CFAP299: variants seen among roughly 807,000 people sequenced by gnomAD.
The protein encoded by CFAP299 is cilia- and flagella-associated protein 299.
A neutral mutation model predicts 27.0 loss-of-function variants in CFAP299; 21 were observed. The observed-to-expected ratio is 0.78, with a 90% confidence interval of 0.55 to 1.12. The LOEUF is 1.12. Among genes scored for constraint, CFAP299 ranks in the 50% most tolerant of loss-of-function variants. The pLI, the probability that CFAP299 is intolerant of heterozygous loss-of-function variation, is 0.00. For synonymous variants in CFAP299, 104 were observed against 98.1 expected (o/e 1.06, Z -0.36); for missense variants, 310 against 276.6 (o/e 1.12, Z -0.86).
rs1384690248 is a variant in CFAP299, at chr4:80,390,498, TATGTATATATACACAC to T, written c.242+27617_242+27632del. Among the ~76,000 whole-genome samples the T allele has an allele frequency of 1.7e-4, 25 of 145,820 alleles. 1 individual carries two copies. The highest frequency in any genetic ancestry group is 5.9e-4 in the African/African-American group (23 of 38,830). ...TCTCTCCTCTCTCTCTCTCTATATATATGTATATATACACACATATATGTATATATGTATATATGTA... is the reference window on the plus strand; with the variant it reads ...TCTCTCCTCTCTCTCTCTCTATATATATATATGTATATATGTATATATGTA... On this transcript the variant is annotated intron_variant, in intron 2 of 5. Transcript: ENST00000358105.
chr4:80,323,272 C>T, the CFAP299 span, among the ~76,000 whole-genome samples: 7 of 152,250 alleles, frequency 4.6e-5, no homozygotes, highest in South Asian at 1.0e-3. Flanking sequence ...ACCAACATTA[C>T]TTAGAAAAAA....
chr4:80,825,266 G>A (rs1729922530), intron 3 of CFAP299, among the ~76,000 whole-genome samples: 1 of 151,826 alleles, frequency 6.6e-6, no homozygotes, highest in African/African-American at 2.4e-5. Flanking sequence ...CAATGCCTAA[G>A]AGACTGGTGG....
intron 3 of CFAP299, among the ~76,000 whole-genome samples, chr4:80,742,926 A>C (rs2110065419): frequency 6.6e-6 from 1 of 152,332 alleles, no homozygotes; most frequent in Non-Finnish European, 1.5e-5. Flanking sequence ...AATGCAACTC[A>C]CTTCAGCAAT....
At chr4:80,631,867 C>T (rs1384852442) in intron 3 of CFAP299, among the ~76,000 whole-genome samples, 2 of 104,052 alleles carry the variant, frequency 1.9e-5, no homozygotes, top group African/African-American at 6.0e-5. Context: ...GTGCCCCACC[C>T]CCCCCCAACC....
intron 3 of CFAP299, among the ~76,000 whole-genome samples, chr4:80,606,815 A>AT (rs1737702041): frequency 7.0e-6 from 1 of 142,186 alleles, no homozygotes; most frequent in Admixed American, 6.7e-5. Context: ...TACACTCTAA[A>AT]TTATATGCTT....
rs141477294 is a variant in CFAP299, at chr4:80,519,994, A to G, written c.243-63099A>G. Among the ~76,000 whole-genome samples, 35 of 152,288 alleles carry G rather than the reference A, an allele frequency of 2.3e-4. No homozygotes were observed. In the East Asian group the frequency reaches 5.6e-3, roughly 24 times the overall value. On this transcript the variant is annotated intron_variant, in intron 2 of 5. Coordinates refer to ENST00000358105, the MANE Select transcript of CFAP299 (RefSeq NM_152770.3). Reference sequence around the variant, plus strand: ...TGAAGGTCAGGATGGGCTAGGACAAAGAGAGCTATACAAGAGAGGCTTTCT... The same window carrying G: ...TGAAGGTCAGGATGGGCTAGGACAAGGAGAGCTATACAAGAGAGGCTTTCT...
intron 2 of CFAP299, among the ~76,000 whole-genome samples, chr4:80,511,903 G>A (rs1398737107): frequency 6.6e-6 from 1 of 151,998 alleles, no homozygotes; most frequent in African/African-American, 2.4e-5. Flanking sequence ...ACTACACTAG[G>A]AGTAAGATTT....
At chr4:80,652,657 C>T (rs1039942355) in intron 3 of CFAP299, among the ~76,000 whole-genome samples, 1 of 152,006 alleles carries the variant, frequency 6.6e-6, no homozygotes, top group African/African-American at 2.4e-5. Context: ...ATCATATGAA[C>T]CCTCAAGTCC....
intron 3 of CFAP299, among the ~76,000 whole-genome samples, chr4:80,806,970 G>A (rs1728895991): frequency 6.6e-6 from 1 of 152,110 alleles, no homozygotes; most frequent in East Asian, 1.9e-4. Context: ...ATTATATTAA[G>A]TATGCTTTGA....
At chr4:80,816,306 A>G (rs1729419099) in intron 3 of CFAP299, among the ~76,000 whole-genome samples, 1 of 152,142 alleles carries the variant, frequency 6.6e-6, no homozygotes, top group South Asian at 2.1e-4. Context: ...AATAAAATGT[A>G]AAATCTATGT....
chr4:80,784,812 C>T (rs890381810), intron 3 of CFAP299, among the ~76,000 whole-genome samples: 5 of 152,190 alleles, frequency 3.3e-5, no homozygotes, highest in African/African-American at 9.6e-5. Context: ...CATGAGCCAC[C>T]ACTCCTGGTC....
intron 3 of CFAP299, among the ~76,000 whole-genome samples, chr4:80,799,645 T>A (rs1240631761): frequency 2.0e-4 from 4 of 19,728 alleles, no homozygotes; most frequent in Non-Finnish European, 2.3e-4. Flanking sequence ...ATATAAAATA[T>A]ATATTTTATA....
intron 4 of CFAP299, among the ~76,000 whole-genome samples, chr4:80,886,737 T>A (rs1376780020): frequency 6.6e-6 from 1 of 152,070 alleles, no homozygotes; most frequent in Non-Finnish European, 1.5e-5. Context: ...AAATAAGGCA[T>A]CAGGGACCAA....
intron 3 of CFAP299, among the ~76,000 whole-genome samples, chr4:80,847,209 C>T (rs911967461): frequency 6.6e-6 from 1 of 152,200 alleles, no homozygotes. Context: ...CCTGCTCTAC[C>T]CAGGAAGGCT....
chr4:80,697,070 G>T (rs1560705173), intron 3 of CFAP299, among the ~76,000 whole-genome samples: 1 of 152,142 alleles, frequency 6.6e-6, no homozygotes, highest in South Asian at 2.1e-4. Flanking sequence ...TCTGCTGGGA[G>T]CAGTGGCTCA....
chr4:80,870,203 T>G (rs1733002777), intron 4 of CFAP299, 68 bp downstream of exon 4: 2 of 1,495,208 alleles, frequency 1.3e-6, no homozygotes, highest in East Asian at 4.6e-5. Flanking sequence ...TGGTCTACAT[T>G]GTGCCTAAAA....
At chr4:80,368,931 A>G (rs1368016329) in intron 2 of CFAP299, among the ~76,000 whole-genome samples, 1 of 136,734 alleles carries the variant, frequency 7.3e-6, no homozygotes, top group Non-Finnish European at 1.6e-5. Flanking sequence ...GAGAATTAGG[A>G]GTGCACAAGG....
chr4:80,785,490 C>A (rs933743097), intron 3 of CFAP299, among the ~76,000 whole-genome samples: 2 of 152,090 alleles, frequency 1.3e-5, no homozygotes, highest in Non-Finnish European at 2.9e-5. Context: ...ACTCTAGTAA[C>A]CTTTGGCAAT....
chr4:80,542,825 C>T (rs900562220), intron 2 of CFAP299, among the ~76,000 whole-genome samples: 131 of 152,066 alleles, frequency 8.6e-4, no homozygotes, highest in African/African-American at 3.1e-3. Flanking sequence ...GCGTGTGACC[C>T]TGCTGCTGCC....
Sources: gnomAD v4.1 joint callset for allele counts (sites outside exome capture counted in the v4.1 genomes callset) on GRCh38, gnomAD v4.1.1 for gene constraint, MANE v1.5 for transcripts, NCBI Gene and HGNC (gene_info 2026-07-23, HGNC 2026-07-21) for gene names.